GPALPP1: variants seen among roughly 807,000 people sequenced by gnomAD.
GPALPP1 encodes GPALPP motifs-containing protein 1.
GPALPP1 carries 30 observed loss-of-function variants against 38.9 expected under a neutral mutation model. That is an observed-to-expected ratio of 0.77 (90% confidence interval 0.58 to 1.05). The LOEUF is 1.05. GPALPP1 is among the 50% of genes least tolerant of loss of function. The probability of loss-of-function intolerance (pLI) is 0.00; values close to 1 mark genes in which losing one functional copy is unlikely to be tolerated. For synonymous variants in GPALPP1, 120 were observed against 139.2 expected (o/e 0.86, Z 0.97); for missense variants, 384 against 408.8 (o/e 0.94, Z 0.52).
intron 1 of GPALPP1, among the ~76,000 whole-genome samples, chr13:44,990,665 T>C (rs991020654): frequency 7.2e-5 from 11 of 152,172 alleles, no homozygotes; most frequent in African/African-American, 2.7e-4. Context: ...GACACCCAGT[T>C]GGAGAAGAGT....
At chr13:45,031,333 G>T (rs568097110), downstream of GPALPP1, 3 of 152,058 alleles carry the variant, frequency 2.0e-5, no homozygotes, top group East Asian at 5.8e-4. Context: ...ATTTAATTTT[G>T]TTATAATTTT....
At chr13:45,009,492 T>C (rs906182780) in intron 4 of GPALPP1, among the ~76,000 whole-genome samples, 1 of 152,172 alleles carries the variant, frequency 6.6e-6, no homozygotes, top group African/African-American at 2.4e-5. Flanking sequence ...ATCTGCACCT[T>C]ACAAATGCTA....
chr13:44,990,184 A>G, intron 1 of GPALPP1: 2 of 390,898 alleles, frequency 5.1e-6, no homozygotes, highest in Admixed American at 8.7e-5. Context: ...TTCTGATTAC[A>G]AGAACCTTGC....
At chr13:44,994,417 T>C (rs1873098049) in intron 1 of GPALPP1, among the ~76,000 whole-genome samples, 1 of 150,848 alleles carries the variant, frequency 6.6e-6, no homozygotes, top group African/African-American at 2.4e-5. Context: ...CCGTCTCTAC[T>C]AAAAAAATAC....
downstream of GPALPP1, chr13:45,031,858 A>G (rs190460791): frequency 4.3e-4 from 66 of 152,364 alleles, no homozygotes; most frequent in African/African-American, 1.5e-3. Context: ...AGACATTTTA[A>G]TAAGGACTTT....
chr13:45,031,615 C>T (rs1340423768), downstream of GPALPP1: 1 of 152,164 alleles, frequency 6.6e-6, no homozygotes, highest in East Asian at 1.9e-4. Flanking sequence ...ACCTTACTGG[C>T]CTTGGAGATA....
intron 6 of GPALPP1, among the ~76,000 whole-genome samples, chr13:45,019,032 TACATA>T (rs1875139768): frequency 2.9e-5 from 1 of 34,978 alleles, no homozygotes; most frequent in Non-Finnish European, 1.2e-4. Context: ...TATAAATATA[TACATA>T]GAAATATATA....
chr13:45,018,836 C>A (rs1875067999), intron 6 of GPALPP1, among the ~76,000 whole-genome samples: 1 of 149,140 alleles, frequency 6.7e-6, no homozygotes, highest in South Asian at 2.1e-4. Flanking sequence ...TGTGTGTGTG[C>A]TAATATAAAT....
At chr13:45,026,050 G>A (rs754621341) in intron 7 of GPALPP1, among the ~76,000 whole-genome samples, 7 of 152,198 alleles carry the variant, frequency 4.6e-5, no homozygotes, top group East Asian at 1.9e-4. Context: ...GATTACAGGC[G>A]TGAGCCACTG....
chr13:45,015,461 A>G lies in GPALPP1; in HGVS notation c.570A>G (p.Ser190=), dbSNP rs1410208529. The G allele has an allele frequency of 2.5e-6, 4 of 1,604,408 alleles. No homozygotes were observed. Among genetic ancestry groups the G allele is most frequent in the East Asian group, 2.2e-5 (1 of 44,578 alleles). ...DDSSKPIVRE[S]WMTELPPEMK... is the part of the protein sequence containing the mutation. ...CATCTAAACCCATTGTAAGAGAGTC[A>G]TGGATGACTGAACTTCCTCCAGAAA... The change falls in exon 6 of 8, where the codon TCA becomes TCG. Residue 190 remains serine, a synonymous_variant. Transcript: ENST00000379151.
In GPALPP1 at chr13:45,015,511, G is replaced by A. The variant is rs747774408; in HGVS notation, c.620G>A (p.Arg207Lys). ...ATGAAAGACTTTGGTCTTGGGCCAAGGACTTTTAAGAGAAGAGCTGATGAC... is the reference window on the plus strand; with the variant it reads ...ATGAAAGACTTTGGTCTTGGGCCAAAGACTTTTAAGAGAAGAGCTGATGAC... ...PEMKDFGLGP[R>K]TFKRRADDTS... Residue 207 changes from arginine to lysine, a missense_variant, in exon 6 of 8, where the codon AGG (arginine) becomes AAG (lysine). Transcript: ENST00000379151. 6.2e-7 allele frequency: 1 copy of A among 1,608,198 alleles called. No homozygotes were observed. Among genetic ancestry groups the A allele is most frequent in the East Asian group, 2.2e-5 (1 of 44,544 alleles).
rs770074819 is a variant in GPALPP1 at position 45,008,794 on chromosome 13, G to A, written c.324-1G>A. On this transcript the variant is annotated splice_acceptor_variant, in intron 3 of 7. Coordinates refer to ENST00000379151, the MANE Select transcript of GPALPP1 (RefSeq NM_018559.5). LOFTEE classifies it high-confidence loss of function. ...TGATAAAAGTACATTTTATTTTTCA[G>A]GCCCATAATAGGTCCTGCATTGCCA... 17 of 1,498,384 alleles carry A rather than the reference G, an allele frequency of 1.1e-5. No homozygotes were observed. The Admixed American group carries it at 2.0e-4, about 18-fold the overall frequency. The allele number at this position is 1,498,384 out of a possible 1,614,324, so 92.8% of individuals were successfully genotyped here.
intron 1 of GPALPP1, 28 bp from the exon 2 acceptor site, chr13:45,004,277 G>T: frequency 6.2e-7 from 1 of 1,601,328 alleles, no homozygotes; most frequent in South Asian, 1.1e-5. Flanking sequence ...GTAGTGGCTA[G>T]TGATGACAAA....
At chr13:45,018,804 ATG>A (rs1875064882) in intron 6 of GPALPP1, among the ~76,000 whole-genome samples, 1 of 151,196 alleles carries the variant, frequency 6.6e-6, no homozygotes, top group Non-Finnish European at 1.5e-5. Context: ...TTGAATTAAA[ATG>A]TGTTAGACTA....
chr13:44,999,673 G>A (rs1490634313), intron 1 of GPALPP1, among the ~76,000 whole-genome samples: 8 of 152,056 alleles, frequency 5.3e-5, no homozygotes, highest in Admixed American at 1.3e-4. Flanking sequence ...TCCGCCTCCC[G>A]GGTTCAAGTG....
intron 7 of GPALPP1, among the ~76,000 whole-genome samples, chr13:45,022,991 T>C (rs1358727638): frequency 6.6e-6 from 1 of 152,178 alleles, no homozygotes; most frequent in Non-Finnish European, 1.5e-5. Context: ...CAGTGAGCTA[T>C]GACCACACCA....
At chr13:44,990,657 C>T (rs1442585364) in intron 1 of GPALPP1, among the ~76,000 whole-genome samples, 2 of 152,202 alleles carry the variant, frequency 1.3e-5, no homozygotes, top group Admixed American at 1.3e-4. Flanking sequence ...CTAGCACCGA[C>T]ACCCAGTTGG....
intron 1 of GPALPP1, 52 bp from the exon 2 acceptor site, chr13:45,004,253 G>C (rs373184855): frequency 1.0e-4 from 152 of 1,482,368 alleles, no homozygotes; most frequent in Middle Eastern, 1.8e-4. Context: ...CAGCTAGAAG[G>C]GTTCATTGAA....
At chr13:45,015,830 A>G (rs1004209314) in intron 6 of GPALPP1, among the ~76,000 whole-genome samples, 1 of 152,166 alleles carries the variant, frequency 6.6e-6, no homozygotes, top group Admixed American at 6.5e-5. Context: ...AAACTCTGAG[A>G]CATAGGTATA....
Sources: allele counts gnomAD v4.1 joint callset (sites outside exome capture counted in the v4.1 genomes callset), GRCh38; gene constraint gnomAD v4.1.1; transcripts MANE v1.5; gene names NCBI Gene and HGNC (gene_info 2026-07-23, HGNC 2026-07-21).